The following TRERF1 variants were observed in gnomAD, a reference collection of about 807,000 sequenced individuals.
TRERF1 encodes transcriptional-regulating factor 1.
TRERF1 carries 27 observed loss-of-function variants against 122.9 expected under a neutral mutation model. The observed-to-expected ratio is 0.22, with a 90% CI of 0.16 to 0.30. TRERF1 has a LOEUF of 0.30. Ranked by LOEUF, TRERF1 falls within the 10% of genes least tolerant of loss-of-function variation. The pLI is 1.00. For missense variants in TRERF1, 1,248 were observed against 1,560.3 expected, an observed-to-expected ratio of 0.80 and a Z score of 3.37; for synonymous variants, 636 against 641.7, an observed-to-expected ratio of 0.99 and a Z score of 0.13.
At chr6:42,387,166 A>AATTTAACAAAG (rs1267897246) in intron 2 of TRERF1, among the ~76,000 whole-genome samples, 2 of 152,262 alleles carry the variant, frequency 1.3e-5, no homozygotes, top group East Asian at 3.8e-4. Context: ...AATTAAGTCT[A>AATTTAACAAAG]ATTTAACAAA....
At chr6:42,424,505 C>T (rs1281710281) in intron 2 of TRERF1, among the ~76,000 whole-genome samples, 2 of 152,114 alleles carry the variant, frequency 1.3e-5, no homozygotes, top group East Asian at 3.9e-4. Context: ...TATACTATCT[C>T]AAATATTCCA....
At position 42,263,044 on chromosome 6, in the gene TRERF1, C is replaced by T. The variant is rs1020931119; in HGVS notation, c.1884+276G>A. Among the ~76,000 whole-genome samples, 3 of 152,176 alleles carry T rather than the reference C, an allele frequency of 2.0e-5. No homozygotes were observed. Among genetic ancestry groups the T allele is most frequent in the Admixed American group, 6.5e-5 (1 of 15,280 alleles). ...CTCTGTTTAAACCTGGGAACACTTT[C>T]GGGTCTCTCAGAATCTAACCTAGGC... On this transcript the variant is annotated intron_variant, in intron 8 of 17. Transcript: ENST00000372922. The surrounding 1 kb of genome is among the most constrained non-coding windows in gnomAD (Gnocchi z 5.6).
intron 4 of TRERF1, among the ~76,000 whole-genome samples, chr6:42,274,018 T>C (rs1236118010): frequency 6.6e-6 from 1 of 152,228 alleles, no homozygotes; most frequent in African/African-American, 2.4e-5. Flanking sequence ...TCTTTATTTG[T>C]TGACATTTCC....
At chr6:42,290,750 T>TA (rs1784179641) in intron 4 of TRERF1, among the ~76,000 whole-genome samples, 1 of 145,020 alleles carries the variant, frequency 6.9e-6, no homozygotes, top group East Asian at 2.0e-4. Flanking sequence ...CCTTTTTTTT[T>TA]TTTTTTTTTT....
intron 2 of TRERF1, among the ~76,000 whole-genome samples, chr6:42,422,831 C>T (rs1054001219): frequency 6.6e-6 from 1 of 151,496 alleles, no homozygotes; most frequent in African/African-American, 2.4e-5. Context: ...GCTCAAGCAG[C>T]CTGGCGTGAG....
At chr6:42,310,052 C>T (rs938286372) in intron 3 of TRERF1, among the ~76,000 whole-genome samples, 3 of 151,946 alleles carry the variant, frequency 2.0e-5, no homozygotes, top group East Asian at 1.9e-4. Context: ...CATAAGCCCC[C>T]GCACCCAGCC....
chr6:42,357,205 T>G (rs1392403573), intron 3 of TRERF1, among the ~76,000 whole-genome samples: 1 of 151,612 alleles, frequency 6.6e-6, no homozygotes, highest in African/African-American at 2.4e-5. Flanking sequence ...GGTGCGTGCC[T>G]GTAATCCCAG....
intron 2 of TRERF1, among the ~76,000 whole-genome samples, chr6:42,426,075 G>A (rs1041226971): frequency 6.6e-6 from 1 of 152,146 alleles, no homozygotes; most frequent in Non-Finnish European, 1.5e-5. Context: ...CAGCAAGTTG[G>A]CAAGCGGACA....
chr6:42,281,130 C>T (rs1050142762), intron 4 of TRERF1, among the ~76,000 whole-genome samples: 4 of 152,110 alleles, frequency 2.6e-5, no homozygotes, highest in African/African-American at 9.7e-5. Flanking sequence ...AGCCCCCAAA[C>T]CTGTCTGGAC....
At chr6:42,437,575 G>A (rs1656960223) in intron 2 of TRERF1, among the ~76,000 whole-genome samples, 1 of 152,140 alleles carries the variant, frequency 6.6e-6, no homozygotes, top group Admixed American at 6.5e-5. Context: ...CCAGAGGGTT[G>A]GCATGGTGTT....
intron 2 of TRERF1, among the ~76,000 whole-genome samples, chr6:42,423,463 C>T (rs1373921726): frequency 6.6e-6 from 1 of 152,112 alleles, no homozygotes; most frequent in Non-Finnish European, 1.5e-5. Context: ...CATCTACGTC[C>T]CCCTTACGGT....
intron 2 of TRERF1, among the ~76,000 whole-genome samples, chr6:42,381,423 T>C (rs919836494): frequency 2.0e-5 from 3 of 151,756 alleles, no homozygotes; most frequent in Admixed American, 1.3e-4. Flanking sequence ...CATTAACCTA[T>C]CTGAATATGA....
At chr6:42,260,988 TCCCGGCTC>T (rs891935930) in intron 8 of TRERF1, among the ~76,000 whole-genome samples, 1 of 152,016 alleles carries the variant, frequency 6.6e-6, no homozygotes, top group African/African-American at 2.4e-5. Flanking sequence ...GGTCCCAGGC[TCCCGGCTC>T]CAGAGTGAGG....
intron 2 of TRERF1, among the ~76,000 whole-genome samples, chr6:42,366,255 T>G (rs1160515676): frequency 6.6e-6 from 1 of 152,258 alleles, no homozygotes; most frequent in African/African-American, 2.4e-5. Flanking sequence ...CAATGAATCG[T>G]GTATTGACAA....
At chr6:42,262,355 ATATGACCCAACATGCCACTTTG>A (rs1182364812) in intron 8 of TRERF1, among the ~76,000 whole-genome samples, 1 of 151,656 alleles carries the variant, frequency 6.6e-6, no homozygotes, top group Non-Finnish European at 1.5e-5. Context: ...CTAAGGACAA[ATATGACCCAACATGCCACTTTG>A]TGGGGAGGGG....
Position 42,228,662 on chromosome 6 carries a change from A to G in TRERF1, c.3286T>C (p.Phe1096Leu), listed in dbSNP as rs1769913830. The G allele has an allele frequency of 6.3e-7, 1 of 1,593,488 alleles. No homozygotes were observed. Among genetic ancestry groups the G allele is most frequent in the Non-Finnish European group, 8.5e-7 (1 of 1,171,594 alleles). ...TGTGCATTTCGGCTTTTGATCTTGA[A>G]GAAGACTCTAAAAATAAAGAAAGAG... The change falls in exon 18 of 18, where the codon TTC becomes CTC. Residue 1096 changes from phenylalanine to leucine, a missense_variant. This residue lies in a region of TRERF1 where 159 missense variants were observed against 221.7 expected (regional missense o/e 0.72). Coordinates refer to ENST00000372922, the Ensembl canonical transcript of TRERF1. This position sits in a 1 kb window ranked among gnomAD's most constrained non-coding sequence, Gnocchi z 4.2.
Position 42,300,418 on chromosome 6 carries a change from C to G in TRERF1, c.-259+220G>C, listed in dbSNP as rs183971319. Among the ~76,000 whole-genome samples, 145 of 152,312 alleles carry G rather than the reference C, an allele frequency of 9.5e-4. No individual in the cohort carries two copies. The Middle Eastern group carries it at 0.01, about 11-fold the overall frequency. On this transcript the variant is annotated intron_variant, in intron 4 of 17. Transcript: ENST00000372922. ...GTGGAAGAATAATAAGAGCTCCATTCTAGACACTCAACTCAGTCCTTTCTG... is the reference window on the plus strand; with the variant it reads ...GTGGAAGAATAATAAGAGCTCCATTGTAGACACTCAACTCAGTCCTTTCTG...
Position 42,259,281 on chromosome 6 carries a change from T to C in TRERF1, c.2269+58A>G. 6.8e-7 allele frequency: 1 copy of C among 1,460,352 alleles called. No individual in the cohort carries two copies. Among genetic ancestry groups the C allele is most frequent in the East Asian group, 2.4e-5 (1 of 42,004 alleles). 90.5% of individuals were successfully genotyped at this position (1,460,352 alleles called of 1,614,324 possible). ...AATGAGAAAGCTAAAGAAAACGAGA[T>C]GTCCCAGGACTTTACCCAGCACCCA... On this transcript the variant is annotated intron_variant, in intron 9 of 17. Transcript: ENST00000372922. The surrounding 1 kb of genome is among the most constrained non-coding windows in gnomAD (Gnocchi z 4.9).
In TRERF1 at chr6:42,276,384, C is replaced by T. The variant is rs756256202; in HGVS notation, c.-258-6536G>A. Among the ~76,000 whole-genome samples, 6 of 152,192 alleles carry T rather than the reference C, an allele frequency of 3.9e-5. No individual in the cohort carries two copies. Among genetic ancestry groups the T allele is most frequent in the Non-Finnish European group, 5.9e-5 (4 of 68,036 alleles). Reference sequence around the variant, plus strand: ...AAAAAGATTTTCCTTTTTCTGACCCCGGGCAGTCAGTTAGAGACTGTATAC... The same window carrying T: ...AAAAAGATTTTCCTTTTTCTGACCCTGGGCAGTCAGTTAGAGACTGTATAC... On this transcript the variant is annotated intron_variant, in intron 4 of 17. Coordinates refer to ENST00000372922, the Ensembl canonical transcript of TRERF1. This position sits in a 1 kb window ranked among gnomAD's most constrained non-coding sequence, Gnocchi z 4.3.
Sources: gnomAD v4.1 joint callset for allele counts (sites outside exome capture counted in the v4.1 genomes callset) on GRCh38, gnomAD v4.1.1 for gene constraint, gnomAD v4.1.1 regional missense constraint, Gnocchi (gnomAD v3.1) non-coding constraint, MANE v1.5 for transcripts, NCBI Gene and HGNC (gene_info 2026-07-23, HGNC 2026-07-21) for gene names.